MTDH: variants seen among roughly 807,000 people sequenced by gnomAD.
MTDH encodes protein LYRIC.
In MTDH, 34 loss-of-function variants were observed where a neutral mutation model predicts 72.7. The ratio of observed to expected loss-of-function variants is 0.47; its 90% CI spans 0.36 to 0.62. MTDH has a LOEUF of 0.62. Among genes scored for constraint, MTDH ranks in the 20% least tolerant of loss-of-function variants. The probability of loss-of-function intolerance (pLI) is 0.00; values close to 1 mark genes in which losing one functional copy is unlikely to be tolerated. For synonymous variants in MTDH, 266 were observed against 268.9 expected, an observed-to-expected ratio of 0.99 and a Z score of 0.10; for missense variants, 677 against 699.4, an observed-to-expected ratio of 0.97 and a Z score of 0.36.
intron 2 of MTDH, among the ~76,000 whole-genome samples, chr8:97,673,989 C>A (rs1025361387): frequency 1.3e-4 from 19 of 151,534 alleles, no homozygotes; most frequent in African/African-American, 3.2e-4. Flanking sequence ...ATCAGTTAAT[C>A]AAAAAAAATT....
intron 8 of MTDH, among the ~76,000 whole-genome samples, chr8:97,712,301 T>C (rs553460370): frequency 6.6e-6 from 1 of 152,320 alleles, no homozygotes; most frequent in African/African-American, 2.4e-5. Flanking sequence ...GCCTCCAAAG[T>C]GCTGGGATTG....
intron 7 of MTDH, among the ~76,000 whole-genome samples, chr8:97,702,093 A>G (rs1381900405): frequency 6.6e-6 from 1 of 152,220 alleles, no homozygotes; most frequent in Non-Finnish European, 1.5e-5. Context: ...TTAGATTACA[A>G]ATCCACAAAG....
intron 2 of MTDH, among the ~76,000 whole-genome samples, chr8:97,665,102 C>T (rs1163851385): frequency 6.6e-6 from 1 of 152,108 alleles, no homozygotes; most frequent in Non-Finnish European, 1.5e-5. Flanking sequence ...ATCTTATGCA[C>T]CTTTATATAT....
chr8:97,655,904 T>C (rs1811952940), intron 1 of MTDH, among the ~76,000 whole-genome samples: 1 of 152,238 alleles, frequency 6.6e-6, no homozygotes, highest in African/African-American at 2.4e-5. Context: ...ACAAAGTATA[T>C]ATTTTTCTCA....
chr8:97,669,543 C>G (rs2513369), intron 2 of MTDH, among the ~76,000 whole-genome samples: 20,793 of 152,142 alleles, frequency 0.14, 1,898 homozygotes, highest in East Asian at 0.3. Context: ...CGCCACTTAT[C>G]CCCAGTCCCC....
rs1032402953 is a variant in MTDH, at chr8:97,726,233, G to T, written c.*1563G>T. 19 of 152,630 alleles carry T rather than the reference G, an allele frequency of 1.2e-4. No homozygotes were observed. The highest frequency in any genetic ancestry group is 3.9e-4 in the African/African-American group (16 of 41,454). 9.5% of individuals were successfully genotyped at this position (152,630 alleles called of 1,614,324 possible). The stretch of plus-strand genomic sequence containing the variant: ...TGTTAACATCTGTTTCAGGAACATG[G>T]CAGTATGTTTACATGTCAGAAGTTT... On this transcript the variant is annotated 3_prime_UTR_variant, in exon 12 of 12. Transcript: ENST00000336273.
chr8:97,661,027 C>G (rs749044677), intron 1 of MTDH, 45 bp from the exon 2 acceptor site: 3 of 1,465,236 alleles, frequency 2.0e-6, no homozygotes, highest in Non-Finnish European at 2.9e-6. Context: ...TTGCACTGAT[C>G]TGCTAAGCAG....
chr8:97,704,770 T>A (rs1814279535), intron 7 of MTDH, among the ~76,000 whole-genome samples: 1 of 152,194 alleles, frequency 6.6e-6, no homozygotes, highest in Non-Finnish European at 1.5e-5. Flanking sequence ...AAACCTAGAT[T>A]TTAAAACTTT....
At chr8:97,654,166 G>A (rs772918743) in intron 1 of MTDH, among the ~76,000 whole-genome samples, 8 of 152,176 alleles carry the variant, frequency 5.3e-5, no homozygotes, top group Non-Finnish European at 1.2e-4. Context: ...TCAGTATATA[G>A]TGAGATTTTG....
chr8:97,702,028 T>C (rs1814151133), intron 7 of MTDH, among the ~76,000 whole-genome samples: 1 of 152,218 alleles, frequency 6.6e-6, no homozygotes, highest in Admixed American at 6.5e-5. Context: ...CTATTTTTGG[T>C]GCTCAGTGAA....
At chr8:97,700,408 C>T (rs1814065262) in intron 7 of MTDH, among the ~76,000 whole-genome samples, 2 of 151,996 alleles carry the variant, frequency 1.3e-5, no homozygotes, top group Admixed American at 1.3e-4. Context: ...TATTTCACAT[C>T]CTTTTTTACT....
chr8:97,688,333 G>A (rs772627821), intron 4 of MTDH, among the ~76,000 whole-genome samples: 1 of 152,010 alleles, frequency 6.6e-6, no homozygotes, highest in Non-Finnish European at 1.5e-5. Context: ...CATTTTCTTA[G>A]CCTTGTTACC....
chr8:97,670,842 C>T (rs536056673), intron 2 of MTDH, among the ~76,000 whole-genome samples: 2 of 151,902 alleles, frequency 1.3e-5, no homozygotes, highest in Admixed American at 6.6e-5. Flanking sequence ...CTGCAACCTC[C>T]GCCACCTGGG....
Position 97,644,563 on chromosome 8 carries a change from C to T in MTDH, c.57C>T (p.Ala19=), listed in dbSNP as rs1204160243. 4 of 1,604,210 alleles carry T rather than the reference C, an allele frequency of 2.5e-6. No homozygotes were observed. The highest frequency in any genetic ancestry group is 3.4e-6 in the Non-Finnish European group (4 of 1,178,342). Residue 19 remains alanine (A), a synonymous_variant, in exon 1 of 12, where the codon GCC becomes GCT. Transcript: ENST00000336273. The stretch of plus-strand genomic sequence containing the variant: ...CCCAGCAGGCCGAGGAGGGCTCGGC[C>T]CGGCTGCGGGAAATGCTCTCGGTCG... ...ELAQQAEEGS[A]RLREMLSVGL... is the part of the protein sequence containing the mutation.
chr8:97,670,324 AAAAC>A (rs1212488803), intron 2 of MTDH, among the ~76,000 whole-genome samples: 3 of 152,020 alleles, frequency 2.0e-5, no homozygotes, highest in Admixed American at 6.6e-5. Context: ...AAAAAAAACA[AAAAC>A]AAAACAAAAG....
At chr8:97,703,444 TTGGTA>T (rs1814218290) in intron 7 of MTDH, among the ~76,000 whole-genome samples, 2 of 152,224 alleles carry the variant, frequency 1.3e-5, no homozygotes, top group African/African-American at 4.8e-5. Context: ...GGGTGACATG[TTGGTA>T]TATTGCCCAC....
At chr8:97,645,958 G>C (rs1012883782) in intron 1 of MTDH, among the ~76,000 whole-genome samples, 4 of 152,162 alleles carry the variant, frequency 2.6e-5, no homozygotes, top group African/African-American at 9.7e-5. Context: ...TTTGCACTCT[G>C]GTGTTTGGAG....
At chr8:97,649,760 C>T (rs1408451284) in intron 1 of MTDH, among the ~76,000 whole-genome samples, 1 of 151,870 alleles carries the variant, frequency 6.6e-6, no homozygotes, top group Non-Finnish European at 1.5e-5. Context: ...CACGATACCA[C>T]ACCTGGTTAT....
At chr8:97,684,457 G>A (rs980701832) in intron 2 of MTDH, among the ~76,000 whole-genome samples, 1 of 152,086 alleles carries the variant, frequency 6.6e-6, no homozygotes, top group Non-Finnish European at 1.5e-5. Context: ...GCCTGTTTTT[G>A]TAAATAAAAT....
Sources: gnomAD v4.1 joint callset for allele counts (sites outside exome capture counted in the v4.1 genomes callset) on GRCh38, gnomAD v4.1.1 for gene constraint, MANE v1.5 for transcripts, NCBI Gene and HGNC (gene_info 2026-07-23, HGNC 2026-07-21) for gene names.